The following CORO2B variants were observed in gnomAD, a reference collection of about 807,000 sequenced individuals.
The protein encoded by CORO2B is coronin-2B.
CORO2B carries 26 observed loss-of-function variants against 58.8 expected under a neutral mutation model. The observed-to-expected ratio is 0.44, with a 90% CI of 0.32 to 0.61. The LOEUF (loss-of-function observed/expected upper bound fraction) is 0.61, where lower values mean the gene tolerates loss of function less well. Among genes scored for constraint, CORO2B ranks in the 20% least tolerant of loss-of-function variants. The probability of loss-of-function intolerance (pLI) is 0.04; values close to 1 mark genes in which losing one functional copy is unlikely to be tolerated. For missense variants in CORO2B, 460 were observed against 645.1 expected, an observed-to-expected ratio of 0.71 and a Z score of 3.11; for synonymous variants, 242 against 253.8, an observed-to-expected ratio of 0.95 and a Z score of 0.44.
chr15:68,526,694 G>A, the CORO2B span, among the ~76,000 whole-genome samples: 1 of 152,112 alleles, frequency 6.6e-6, no homozygotes, highest in Non-Finnish European at 1.5e-5. Context: ...CCAGCCTGTG[G>A]CTTGTCTTTT....
intron 1 of CORO2B, among the ~76,000 whole-genome samples, chr15:68,590,082 G>C (rs1899662728): frequency 1.3e-5 from 2 of 152,168 alleles, no homozygotes; most frequent in Non-Finnish European, 2.9e-5. Flanking sequence ...TGGGAGCCTG[G>C]GTTGCTAAGA....
the CORO2B span, among the ~76,000 whole-genome samples, chr15:68,565,655 CG>C: frequency 6.6e-6 from 1 of 152,120 alleles, no homozygotes; most frequent in African/African-American, 2.4e-5. Context: ...GTATAGTGGA[CG>C]GGATGACCCT....
intron 2 of CORO2B, among the ~76,000 whole-genome samples, chr15:68,668,252 C>T (rs1306215692): frequency 6.6e-6 from 1 of 151,830 alleles, no homozygotes; most frequent in Non-Finnish European, 1.5e-5. Flanking sequence ...TTCACACTTG[C>T]AACCTGCAGG....
At chr15:68,551,244 C>T in the CORO2B span, among the ~76,000 whole-genome samples, 14 of 152,182 alleles carry the variant, frequency 9.2e-5, no homozygotes, top group Admixed American at 7.2e-4. Flanking sequence ...AGGATGCTCT[C>T]GGGGGCTCAT....
the CORO2B span, among the ~76,000 whole-genome samples, chr15:68,522,430 G>A: frequency 6.6e-5 from 10 of 152,086 alleles, 2 homozygotes; most frequent in South Asian, 2.1e-3. Context: ...CTATTGTTGA[G>A]CCATCTATTG....
rs1035627139 is a variant in CORO2B, at chr15:68,579,221, G to C, written c.-42G>C. ...GCCCCGGGCCGCCGCCGCCGCCCCC[G>C]CACGCCGCGCCCGCGCCCCCGCTCC... is the stretch of plus-strand genomic sequence containing the variant. On this transcript the variant is annotated 5_prime_UTR_variant, in exon 1 of 12. Transcript: ENST00000261861. The C allele has an allele frequency of 4.7e-6, 5 of 1,073,624 alleles. No individual in the cohort carries two copies. The highest frequency in any genetic ancestry group is 2.2e-6 in the Non-Finnish European group (2 of 890,096). The allele number at this position is 1,073,624 out of a possible 1,614,324, so 66.5% of individuals were successfully genotyped here.
chr15:68,697,786 T>C (rs139877101), intron 3 of CORO2B, among the ~76,000 whole-genome samples: 6,416 of 152,220 alleles, frequency 0.042, 200 homozygotes, highest in Non-Finnish European at 0.061. Context: ...CTTCCTGGGC[T>C]GGGAAAGAGG....
the CORO2B span, among the ~76,000 whole-genome samples, chr15:68,566,524 C>T: frequency 3.0e-4 from 45 of 152,244 alleles, no homozygotes; most frequent in East Asian, 5.8e-4. Context: ...CCTCCAGCCT[C>T]GGGACATGCC....
chr15:68,712,028 A>G (rs766969543), intron 5 of CORO2B, among the ~76,000 whole-genome samples: 17 of 152,162 alleles, frequency 1.1e-4, no homozygotes, highest in Non-Finnish European at 1.9e-4. Flanking sequence ...CAGGTCCACC[A>G]CAGGCACAGG....
At chr15:68,596,901 G>A (rs902149724) in intron 1 of CORO2B, among the ~76,000 whole-genome samples, 7 of 152,118 alleles carry the variant, frequency 4.6e-5, no homozygotes, top group Non-Finnish European at 8.8e-5. Flanking sequence ...CTGACCTGGG[G>A]CCCATGGAGC....
upstream of CORO2B, among the ~76,000 whole-genome samples, chr15:68,574,579 A>G (rs762681169): frequency 6.6e-6 from 1 of 152,158 alleles, no homozygotes; most frequent in Admixed American, 6.5e-5. Context: ...ATTCCTTGCT[A>G]TAGGGACCTG....
chr15:68,626,762 C>T (rs935920285), intron 1 of CORO2B, among the ~76,000 whole-genome samples: 75 of 152,212 alleles, frequency 4.9e-4, no homozygotes, highest in African/African-American at 1.7e-3. Context: ...TATGAAAAAA[C>T]GTCTCCACAG....
chr15:68,648,664 G>C (rs978894912), intron 2 of CORO2B, among the ~76,000 whole-genome samples: 1 of 152,094 alleles, frequency 6.6e-6, no homozygotes, highest in Non-Finnish European at 1.5e-5. Context: ...AAAAGAAAGA[G>C]AGAGAAAGAG....
At chr15:68,555,744 G>C in the CORO2B span, among the ~76,000 whole-genome samples, 7 of 152,250 alleles carry the variant, frequency 4.6e-5, no homozygotes, top group African/African-American at 1.7e-4. Context: ...TCCCCGTGGA[G>C]AACTCGGAGA....
intron 1 of CORO2B, among the ~76,000 whole-genome samples, chr15:68,615,167 G>C (rs1325542899): frequency 6.6e-6 from 1 of 152,202 alleles, no homozygotes; most frequent in African/African-American, 2.4e-5. Flanking sequence ...CACCTCCCAG[G>C]GCTCCTAGGC....
At chr15:68,672,079 A>G (rs1182993107) in intron 2 of CORO2B, among the ~76,000 whole-genome samples, 1 of 151,614 alleles carries the variant, frequency 6.6e-6, no homozygotes. Flanking sequence ...ATCCCACTCC[A>G]CTTGTTCGCT....
In CORO2B at chr15:68,718,745, C is replaced by G; in HGVS notation, c.1015C>G (p.Arg339Gly). The G allele has an allele frequency of 6.2e-7, 1 of 1,614,184 alleles. No homozygotes were observed. Among genetic ancestry groups the G allele is most frequent in the Non-Finnish European group, 8.5e-7 (1 of 1,180,034 alleles). The change falls in exon 9 of 12, where the codon CGC (arginine) becomes GGC (glycine). Residue 339 changes from arginine to glycine, a missense_variant. Physicochemically the swap from Arg to Gly is moderately radical, Grantham distance 125 (BLOSUM62 -2). Transcript: ENST00000261861. ...GGATGTGTCAGCCTGCGAGGTGTTC[C>G]GCTTCTACAAGCTGGTGACTCTCAA... ...GLDVSACEVF[R>G]FYKLVTLKGL...
intron 3 of CORO2B, among the ~76,000 whole-genome samples, chr15:68,702,131 G>T (rs1250050080): frequency 1.3e-5 from 2 of 152,074 alleles, no homozygotes; most frequent in Admixed American, 1.3e-4. Flanking sequence ...GAAAAATCAG[G>T]TACGGGCACG....
chr15:68,671,464 C>G (rs1902392834), intron 2 of CORO2B, among the ~76,000 whole-genome samples: 1 of 152,172 alleles, frequency 6.6e-6, no homozygotes, highest in Non-Finnish European at 1.5e-5. Flanking sequence ...GTTCTGCCTC[C>G]CTCACAACAA....
Sources: gnomAD v4.1 joint callset for allele counts (sites outside exome capture counted in the v4.1 genomes callset) on GRCh38, gnomAD v4.1.1 for gene constraint, MANE v1.5 for transcripts, NCBI Gene and HGNC (gene_info 2026-07-23, HGNC 2026-07-21) for gene names.